The following OSBPL3 variants were observed in gnomAD, a reference collection of about 807,000 sequenced individuals.
OSBPL3 encodes the protein oxysterol-binding protein-related protein 3.
Under a neutral mutation model 120.1 loss-of-function variants are expected in OSBPL3, and 65 were observed. The observed-to-expected ratio is 0.54, with a 90% confidence interval of 0.44 to 0.67. The LOEUF (loss-of-function observed/expected upper bound fraction) is 0.67, where lower values mean the gene tolerates loss of function less well. Among genes scored for constraint, OSBPL3 ranks in the 30% least tolerant of loss-of-function variants. The pLI is 0.00. For missense variants in OSBPL3, 1,004 were observed against 1,082.1 expected (o/e 0.93, Z 1.01); for synonymous variants, 416 against 402.6 (o/e 1.03, Z -0.40).
intron 10 of OSBPL3, among the ~76,000 whole-genome samples, chr7:24,853,489 T>C (rs1799432364): frequency 1.3e-5 from 2 of 152,192 alleles, no homozygotes; most frequent in Admixed American, 1.3e-4. Flanking sequence ...TGAGGAACTG[T>C]TCCCAATTAA....
At chr7:24,812,777 GT>G (rs1231282510) in intron 19 of OSBPL3, among the ~76,000 whole-genome samples, 8 of 152,178 alleles carry the variant, frequency 5.3e-5, no homozygotes, top group Admixed American at 2.0e-4. Context: ...GGGCACGGAA[GT>G]GTCTCAGACC....
chr7:24,833,282 T>C lies in OSBPL3; in HGVS notation c.1746+1204A>G, dbSNP rs775468513. 5.3e-5 allele frequency among the ~76,000 whole-genome samples: 8 copies of C among 152,086 alleles called. No homozygotes were observed. The highest frequency in any genetic ancestry group is 1.0e-4 in the Non-Finnish European group (7 of 67,994). On this transcript the variant is annotated intron_variant, in intron 15 of 22. Transcript: ENST00000313367. This position sits in a 1 kb window ranked among gnomAD's most constrained non-coding sequence, Gnocchi z 4.4. The stretch of plus-strand genomic sequence containing the variant: ...TTTTGGGAGGCCAGGGCAGGAGGGT[T>C]GCTTGAGTCTAGGAGTTCGAGGTTG...
rs961822907 is a variant in OSBPL3 at position 24,873,503 on chromosome 7, T to C, written c.97-1434A>G. ...ATTCCAGAGTTTTAAAATATCACAG[T>C]GGTATCCCAAGATCTGGAGTTGTGA... On this transcript the variant is annotated intron_variant, in intron 2 of 22. Coordinates refer to ENST00000313367, the MANE Select transcript of OSBPL3 (RefSeq NM_015550.4). This position sits in a 1 kb window ranked among gnomAD's most constrained non-coding sequence, Gnocchi z 4.1. 3.9e-5 allele frequency among the ~76,000 whole-genome samples: 6 copies of C among 152,242 alleles called. No individual in the cohort carries two copies. Among genetic ancestry groups the C allele is most frequent in the African/African-American group, 1.4e-4 (6 of 41,540 alleles).
At position 24,818,500 on chromosome 7, in the gene OSBPL3, A is replaced by T. The variant is rs1235570422; in HGVS notation, c.1948+1675T>A. Among the ~76,000 whole-genome samples, 1 of 152,224 alleles carries T rather than the reference A, an allele frequency of 6.6e-6. No individual in the cohort carries two copies. The highest frequency in any genetic ancestry group is 1.9e-4 in the East Asian group (1 of 5,200). On this transcript the variant is annotated intron_variant, in intron 17 of 22. Coordinates refer to ENST00000313367, the MANE Select transcript of OSBPL3 (RefSeq NM_015550.4). This position sits in a 1 kb window ranked among gnomAD's most constrained non-coding sequence, Gnocchi z 4.0. Reference sequence around the variant, plus strand: ...GTAAATCTCACTATATGAAACTGGCATAATATTATTTGATGATATTAAAAA... The same window carrying T: ...GTAAATCTCACTATATGAAACTGGCTTAATATTATTTGATGATATTAAAAA...
At chr7:24,935,882 CTTTT>C (rs564195352) in intron 1 of OSBPL3, among the ~76,000 whole-genome samples, 4 of 148,632 alleles carry the variant, frequency 2.7e-5, no homozygotes, top group Admixed American at 6.7e-5. Context: ...AAGAAGGAAT[CTTTT>C]TTTTTTATTA....
rs565810471 is a variant in OSBPL3, at chr7:24,973,550, T to C, written c.-150+6336A>G. On this transcript the variant is annotated intron_variant, in intron 1 of 22. Transcript: ENST00000313367. ...AAGGAAATTACCAGTGAGTCTTCTG[T>C]ATTTTTCCAAGATGAAGGAAATATA... Among the ~76,000 whole-genome samples, 193 of 152,300 alleles carry C rather than the reference T, an allele frequency of 1.3e-3. 1 individual carries two copies. The highest frequency in any genetic ancestry group is 2.4e-3 in the Non-Finnish European group (162 of 68,008).
In OSBPL3 at chr7:24,968,686, GGCGCCAGCCTCA is replaced by G. The variant is rs1391158484; in HGVS notation, c.-150+11188_-150+11199del. On this transcript the variant is annotated intron_variant, in intron 1 of 22. Transcript: ENST00000313367. This position sits in a 1 kb window ranked among gnomAD's most constrained non-coding sequence, Gnocchi z 4.6. Reference sequence around the variant, plus strand: ...TGCTAGGATTACAGGTGTGAGCCACGGCGCCAGCCTCAGCCCACCAATTTTATCCATGTGTGC... The same window carrying G: ...TGCTAGGATTACAGGTGTGAGCCACGGCCCACCAATTTTATCCATGTGTGC... Among the ~76,000 whole-genome samples, 4 of 152,136 alleles carry G rather than the reference GGCGCCAGCCTCA, an allele frequency of 2.6e-5. No homozygotes were observed.
intron 19 of OSBPL3, among the ~76,000 whole-genome samples, chr7:24,814,111 A>C (rs1361144270): frequency 6.6e-6 from 1 of 152,120 alleles, no homozygotes; most frequent in Non-Finnish European, 1.5e-5. Context: ...CTCTGAAGAA[A>C]ATGGGACAGG....
chr7:24,840,897 T>A, intron 13 of OSBPL3, 114 bp from the exon 14 acceptor site: 4 of 574,548 alleles, frequency 7.0e-6, no homozygotes, highest in Non-Finnish European at 1.2e-5. Context: ...ACAAATACTC[T>A]TGGGTACTGT....
chr7:24,809,834 AGCC>A lies in OSBPL3; in HGVS notation c.2287_2289del (p.Gly763del). 1 of 1,614,162 alleles carries A rather than the reference AGCC, an allele frequency of 6.2e-7. No individual in the cohort carries two copies. The highest frequency in any genetic ancestry group is 8.5e-7 in the Non-Finnish European group (1 of 1,180,012). On this transcript the variant is annotated inframe_deletion, in exon 20 of 23. Transcript: ENST00000313367. ...GCTCTCCATACACAGGCAGAAGAGG[AGCC>A]GCCGCCACAGTAGATGCTTTCATGC...
intron 12 of OSBPL3, among the ~76,000 whole-genome samples, chr7:24,845,460 TATGTGTGTGTGTGTGA>T (rs1798329680): frequency 7.2e-6 from 1 of 138,096 alleles, no homozygotes; most frequent in African/African-American, 2.9e-5. Context: ...TGTGTGTGTG[TATGTGTGTGTGTGTGA>T]ATTATGGCCT....
intron 12 of OSBPL3, among the ~76,000 whole-genome samples, chr7:24,843,548 G>A (rs1470270186): frequency 6.6e-6 from 1 of 152,116 alleles, no homozygotes; most frequent in East Asian, 1.9e-4. Flanking sequence ...TGACAGGAGG[G>A]CCACAGCAGA....
At position 24,833,799 on chromosome 7, in the gene OSBPL3, C is replaced by T. The variant is rs751823190; in HGVS notation, c.1746+687G>A. On this transcript the variant is annotated intron_variant, in intron 15 of 22. Coordinates refer to ENST00000313367, the MANE Select transcript of OSBPL3 (RefSeq NM_015550.4). This position sits in a 1 kb window ranked among gnomAD's most constrained non-coding sequence, Gnocchi z 4.4. ...AGGGCTGATCTGCCCAGAGTCTTGC[C>T]CTTTGGGTACTCCCTTCCCAATCTC... Among the ~76,000 whole-genome samples, 10 of 152,100 alleles carry T rather than the reference C, an allele frequency of 6.6e-5. No individual in the cohort carries two copies. The highest frequency in any genetic ancestry group is 1.2e-4 in the Non-Finnish European group (8 of 68,024).
chr7:24,897,069 G>A (rs928132138), intron 1 of OSBPL3, among the ~76,000 whole-genome samples: 3 of 151,018 alleles, frequency 2.0e-5, no homozygotes, highest in African/African-American at 2.4e-5. Flanking sequence ...GGGAGAGAGG[G>A]AGGGAGGGAA....
chr7:24,974,443 A>G (rs987429294), intron 1 of OSBPL3, among the ~76,000 whole-genome samples: 1 of 152,352 alleles, frequency 6.6e-6, no homozygotes, highest in Non-Finnish European at 1.5e-5. Flanking sequence ...TTACACTTTT[A>G]GTAAAATGCT....
At chr7:24,950,635 T>C (rs906493047) in intron 1 of OSBPL3, among the ~76,000 whole-genome samples, 1 of 152,190 alleles carries the variant, frequency 6.6e-6, no homozygotes, top group African/African-American at 2.4e-5. Flanking sequence ...GGCAGGAGAA[T>C]GGCACGAACC....
rs1389821196 is a variant in OSBPL3 at position 24,830,688 on chromosome 7, G to T, written c.1884+80C>A. On this transcript the variant is annotated intron_variant, in intron 16 of 22. Coordinates refer to ENST00000313367, the MANE Select transcript of OSBPL3 (RefSeq NM_015550.4). The surrounding 1 kb of genome is among the most constrained non-coding windows in gnomAD (Gnocchi z 4.4). ...GCTGCTTTGAAGCCAGTGAAAGGTG[G>T]AAGATAAATATTTCAGAAGCACATT... is the stretch of plus-strand genomic sequence containing the variant. 2 of 1,309,740 alleles carry T rather than the reference G, an allele frequency of 1.5e-6. No individual in the cohort carries two copies. Among genetic ancestry groups the T allele is most frequent in the Non-Finnish European group, 2.1e-6 (2 of 944,946 alleles). 81.1% of individuals were successfully genotyped at this position (1,309,740 alleles called of 1,614,324 possible).
intron 12 of OSBPL3, among the ~76,000 whole-genome samples, chr7:24,848,271 A>G (rs921050235): frequency 6.6e-6 from 1 of 152,230 alleles, no homozygotes; most frequent in African/African-American, 2.4e-5. Flanking sequence ...AAAAACTTAC[A>G]TAAACACACA....
At chr7:24,832,700 G>T (rs1796547114) in intron 15 of OSBPL3, among the ~76,000 whole-genome samples, 1 of 152,102 alleles carries the variant, frequency 6.6e-6, no homozygotes, top group Non-Finnish European at 1.5e-5. Context: ...CCTTCACCAT[G>T]TAAAATAGAA....
Sources: gnomAD v4.1 joint callset for allele counts (sites outside exome capture counted in the v4.1 genomes callset) on GRCh38, gnomAD v4.1.1 for gene constraint, Gnocchi (gnomAD v3.1) non-coding constraint, MANE v1.5 for transcripts, NCBI Gene and HGNC (gene_info 2026-07-23, HGNC 2026-07-21) for gene names.